PARL: variants seen among roughly 807,000 people sequenced by gnomAD.
The protein encoded by PARL is presenilin associated rhomboid like, also known as presenilin-associated rhomboid-like protein, mitochondrial.
Under a neutral mutation model 51.6 loss-of-function variants are expected in PARL, and 44 were observed. The ratio of observed to expected loss-of-function variants is 0.85; its 90% CI spans 0.67 to 1.10. The LOEUF (loss-of-function observed/expected upper bound fraction) is 1.10, where lower values mean the gene tolerates loss of function less well. PARL is among the 50% of genes least tolerant of loss of function. The pLI is 0.00. For missense variants in PARL, 441 were observed against 469.5 expected (o/e 0.94, Z 0.56); for synonymous variants, 172 against 164.0 (o/e 1.05, Z -0.37).
chr3:183,829,222 A>C, downstream of PARL: 1 of 306,090 alleles, frequency 3.3e-6, no homozygotes, highest in South Asian at 4.0e-5. Context: ...GGCAAGGAAG[A>C]GTGAAGGCTA....
intron 4 of PARL, among the ~76,000 whole-genome samples, chr3:183,845,500 A>G (rs953111230): frequency 6.6e-6 from 1 of 152,220 alleles, no homozygotes; most frequent in Non-Finnish European, 1.5e-5. Flanking sequence ...AACTGATTCC[A>G]TCAGTTGTAT....
intron 1 of PARL, 150 bp downstream of exon 1, chr3:183,884,572 G>C (rs376066433): frequency 3.4e-5 from 26 of 757,964 alleles, no homozygotes; most frequent in Admixed American, 1.7e-4. Flanking sequence ...AGGACTGGAC[G>C]GAGGCGAGAG....
At chr3:183,852,531 T>C (rs1730668136) in intron 4 of PARL, among the ~76,000 whole-genome samples, 1 of 152,060 alleles carries the variant, frequency 6.6e-6, no homozygotes, top group African/African-American at 2.4e-5. Context: ...ACAGGTTCAG[T>C]GTTTCTGTTT....
intron 4 of PARL, among the ~76,000 whole-genome samples, chr3:183,852,538 G>A (rs539491980): frequency 3.3e-5 from 5 of 152,148 alleles, no homozygotes; most frequent in African/African-American, 1.2e-4. Flanking sequence ...CAGTGTTTCT[G>A]TTTGGGATAA....
At chr3:183,855,057 ATAT>A (rs1257223221) in intron 4 of PARL, among the ~76,000 whole-genome samples, 1 of 152,174 alleles carries the variant, frequency 6.6e-6, no homozygotes, top group African/African-American at 2.4e-5. Flanking sequence ...AAAAGGCCAC[ATAT>A]TATGTGACTT....
At chr3:183,866,542 C>T in intron 3 of PARL, 83 bp downstream of exon 3, 1 of 1,090,968 alleles carries the variant, frequency 9.2e-7, no homozygotes, top group East Asian at 2.4e-5. Flanking sequence ...GCATCATGTA[C>T]ACTGAAAACA....
intron 4 of PARL, 28 bp from the exon 5 acceptor site, chr3:183,844,354 G>T (rs754640698): frequency 7.1e-7 from 1 of 1,399,114 alleles, no homozygotes; most frequent in South Asian, 1.2e-5. Context: ...ATAATTTAGG[G>T]AGGTTAAAAA....
rs1380191227 is a variant in PARL, at chr3:183,829,391, T to C, written c.*207A>G. 3 of 1,480,080 alleles carry C rather than the reference T, an allele frequency of 2.0e-6. No homozygotes were observed. Among genetic ancestry groups the C allele is most frequent in the African/African-American group, 1.4e-5 (1 of 71,270 alleles). The allele number at this position is 1,480,080 out of a possible 1,614,324, so 91.7% of individuals were successfully genotyped here. ...TAAAGAGAGAACACACACATCTGCTTACAAACTAGATAGAAACCTTTATTT... is the reference window on the plus strand; with the variant it reads ...TAAAGAGAGAACACACACATCTGCTCACAAACTAGATAGAAACCTTTATTT... On this transcript the variant is annotated 3_prime_UTR_variant, in exon 10 of 10. Transcript: ENST00000317096.
chr3:183,872,728 G>C (rs1446626589), intron 1 of PARL, among the ~76,000 whole-genome samples: 2 of 152,170 alleles, frequency 1.3e-5, no homozygotes, highest in Non-Finnish European at 2.9e-5. Context: ...ACAGCCAAAT[G>C]AAACATAAGA....
intron 1 of PARL, among the ~76,000 whole-genome samples, chr3:183,873,568 A>T (rs1203866585): frequency 6.6e-6 from 1 of 152,038 alleles, no homozygotes; most frequent in Admixed American, 6.6e-5. Context: ...AAAATTAATT[A>T]ATTAATTAAA....
chr3:183,864,304 C>T (rs1732184197), intron 3 of PARL, among the ~76,000 whole-genome samples: 1 of 152,044 alleles, frequency 6.6e-6, no homozygotes, highest in Admixed American at 6.6e-5. Context: ...TTCTCAGGCT[C>T]TTGCTGGCCA....
intron 3 of PARL, 75 bp from the exon 4 acceptor site, chr3:183,862,876 G>A (rs1182735272): frequency 3.6e-6 from 4 of 1,122,410 alleles, no homozygotes; most frequent in African/African-American, 1.5e-5. Flanking sequence ...AGAAGAAAAT[G>A]CCTCGCACAT....
intron 1 of PARL, among the ~76,000 whole-genome samples, chr3:183,876,182 G>C (rs1311849065): frequency 6.6e-6 from 1 of 152,134 alleles, no homozygotes; most frequent in Non-Finnish European, 1.5e-5. Context: ...GAGCAGCTGG[G>C]ATCACAGGCG....
chr3:183,838,638 T>C (rs1728937564), intron 7 of PARL, among the ~76,000 whole-genome samples: 1 of 152,154 alleles, frequency 6.6e-6, no homozygotes, highest in Non-Finnish European at 1.5e-5. Context: ...ATAGATGGTG[T>C]TATCCCCATT....
intron 3 of PARL, among the ~76,000 whole-genome samples, chr3:183,863,269 G>A (rs1466377497): frequency 6.6e-6 from 1 of 152,042 alleles, no homozygotes; most frequent in South Asian, 2.1e-4. Context: ...AATAAAAAGA[G>A]GAGGGTCCTA....
At chr3:183,879,233 A>G (rs1038039583) in intron 1 of PARL, among the ~76,000 whole-genome samples, 5 of 152,242 alleles carry the variant, frequency 3.3e-5, no homozygotes, top group African/African-American at 1.2e-4. Context: ...GATTGGCTTA[A>G]GCCAAATTTC....
intron 1 of PARL, among the ~76,000 whole-genome samples, chr3:183,882,284 C>CACACACACATATATAT (rs1359308478): frequency 1.1e-5 from 1 of 90,686 alleles, no homozygotes; most frequent in Non-Finnish European, 2.3e-5. Flanking sequence ...TATATATATA[C>CACACACACATATATAT]ACACACACAT....
intron 1 of PARL, among the ~76,000 whole-genome samples, chr3:183,880,263 C>A (rs1427289947): frequency 1.3e-5 from 2 of 152,062 alleles, no homozygotes; most frequent in East Asian, 1.9e-4. Context: ...TGACAACTCA[C>A]GACAGCAGGC....
At chr3:183,851,558 G>C (rs1338117216) in intron 4 of PARL, among the ~76,000 whole-genome samples, 1 of 152,074 alleles carries the variant, frequency 6.6e-6, no homozygotes, top group Non-Finnish European at 1.5e-5. Flanking sequence ...ATGTTCATTA[G>C]TCATTAAGGA....
Sources: gnomAD v4.1 joint callset for allele counts (sites outside exome capture counted in the v4.1 genomes callset) on GRCh38, gnomAD v4.1.1 for gene constraint, MANE v1.5 for transcripts, NCBI Gene and HGNC (gene_info 2026-07-23, HGNC 2026-07-21) for gene names.